The following MYH11 variants were observed in gnomAD, a reference collection of about 807,000 sequenced individuals.
MYH11 encodes the protein myosin heavy chain 11.
MYH11 carries 80 observed loss-of-function variants against 246.6 expected under a neutral mutation model. The observed-to-expected ratio is 0.32, with a 90% CI of 0.27 to 0.39. The LOEUF is 0.39. Ranked by LOEUF, MYH11 falls within the 10% of genes least tolerant of loss-of-function variation. The pLI is 1.00. For synonymous variants in MYH11, 1,071 were observed against 1,015.5 expected, an observed-to-expected ratio of 1.05 and a Z score of -1.04; for missense variants, 2,158 against 2,546.8, an observed-to-expected ratio of 0.85 and a Z score of 3.29.
chr16:15,738,784 A>C (rs535800534), intron 23 of MYH11, 96 bp from the exon 24 acceptor site: 1 of 1,391,754 alleles, frequency 7.2e-7, no homozygotes, highest in Non-Finnish European at 1.0e-6. Context: ...CAGTTGAAAG[A>C]AAAACCCACA....
At chr16:15,779,935 C>G (rs1039943464) in intron 6 of MYH11, among the ~76,000 whole-genome samples, 1 of 152,238 alleles carries the variant, frequency 6.6e-6, no homozygotes, top group Non-Finnish European at 1.5e-5. Flanking sequence ...ATCCCCTAGG[C>G]TTGCTCAGTC....
chr16:15,838,856 CAAAA>C (rs10573476), intron 1 of MYH11, among the ~76,000 whole-genome samples: 5 of 88,884 alleles, frequency 5.6e-5, no homozygotes, highest in Non-Finnish European at 8.8e-5. Context: ...GACTCCATCT[CAAAA>C]AAAAAAAAAA....
chr16:15,791,876 T>C (rs1596846186), intron 4 of MYH11: 1 of 151,976 alleles, frequency 6.6e-6, no homozygotes, highest in East Asian at 1.9e-4. Flanking sequence ...GGTCTCGCTA[T>C]GTTGCTCAAG....
chr16:15,831,873 G>T (rs1433387688), intron 2 of MYH11, among the ~76,000 whole-genome samples: 1 of 152,096 alleles, frequency 6.6e-6, no homozygotes, highest in Non-Finnish European at 1.5e-5. Flanking sequence ...AGGAAATGGA[G>T]GTTGCAGTGA....
chr16:15,740,889 T>C (rs1277099899), intron 22 of MYH11, among the ~76,000 whole-genome samples: 1 of 152,160 alleles, frequency 6.6e-6, no homozygotes, highest in Non-Finnish European at 1.5e-5. Context: ...CTCTCTCAGA[T>C]CACTCCTTCT....
At chr16:15,788,742 G>C (rs1474937779) in intron 4 of MYH11, among the ~76,000 whole-genome samples, 2 of 151,822 alleles carry the variant, frequency 1.3e-5, no homozygotes, top group African/African-American at 4.8e-5. Flanking sequence ...TTATGAAATG[G>C]GGACCATGAA....
At chr16:15,706,905 A>G (rs895839464) in intron 40 of MYH11, among the ~76,000 whole-genome samples, 1 of 152,176 alleles carries the variant, frequency 6.6e-6, no homozygotes, top group Non-Finnish European at 1.5e-5. Flanking sequence ...TCAGCCTGCA[A>G]GATACTCTGT....
At chr16:15,712,531 G>A (rs921721109) in intron 40 of MYH11, among the ~76,000 whole-genome samples, 2 of 152,014 alleles carry the variant, frequency 1.3e-5, no homozygotes, top group African/African-American at 4.8e-5. Context: ...GGGAGGCAGA[G>A]GTTGCAGTGA....
chr16:15,740,581 A>G (rs1222490549), intron 22 of MYH11, among the ~76,000 whole-genome samples: 1 of 151,462 alleles, frequency 6.6e-6, no homozygotes, highest in African/African-American at 2.4e-5. Flanking sequence ...ATCGCACCCC[A>G]GCCTAGGCAA....
chr16:15,778,430 A>T (rs1035970276), intron 7 of MYH11, among the ~76,000 whole-genome samples: 2 of 152,156 alleles, frequency 1.3e-5, no homozygotes, highest in African/African-American at 4.8e-5. Context: ...ATATGAGTTC[A>T]TTCACTCTAT....
intron 1 of MYH11, among the ~76,000 whole-genome samples, chr16:15,842,978 A>G (rs1437294846): frequency 6.6e-6 from 1 of 152,164 alleles, no homozygotes. Flanking sequence ...CCCTGACTCC[A>G]GTTACCCTAT....
chr16:15,797,468 T>A (rs1452747184), intron 4 of MYH11, among the ~76,000 whole-genome samples: 2 of 151,534 alleles, frequency 1.3e-5, no homozygotes, highest in Non-Finnish European at 2.9e-5. Flanking sequence ...TTGTAGTGGC[T>A]ACCTGGAAAT....
chr16:15,744,992 G>A, intron 20 of MYH11, 137 bp downstream of exon 20: 6 of 723,492 alleles, frequency 8.3e-6, no homozygotes, highest in Middle Eastern at 2.4e-4. Context: ...CCAGAGAACC[G>A]CCAATGCTCA....
intron 4 of MYH11, among the ~76,000 whole-genome samples, chr16:15,797,171 C>G (rs59460388): frequency 0.054 from 8,264 of 152,210 alleles, 686 homozygotes; most frequent in African/African-American, 0.19. Flanking sequence ...TCCAGGTTTT[C>G]TATCTATATC....
intron 37 of MYH11, chr16:15,717,832 C>CAG (rs2151199853): frequency 3.8e-6 from 1 of 264,024 alleles, no homozygotes; most frequent in South Asian, 4.7e-5. Flanking sequence ...CAGTGCCACC[C>CAG]AGGCTGAGCG....
intron 9 of MYH11, 84 bp from the exon 10 acceptor site, chr16:15,763,975 AC>A: frequency 9.8e-7 from 1 of 1,016,774 alleles, no homozygotes; most frequent in Non-Finnish European, 1.6e-6. Flanking sequence ...GCCACTGGGG[AC>A]CCAGAGCCAG....
chr16:15,716,388 G>A (rs2040140378), intron 38 of MYH11, among the ~76,000 whole-genome samples: 1 of 152,194 alleles, frequency 6.6e-6, no homozygotes, highest in South Asian at 2.1e-4. Context: ...AGAAGAGAAT[G>A]GGTGAGAATC....
At chr16:15,798,766 G>T in intron 3 of MYH11, 79 bp from the exon 4 acceptor site, 2 of 1,425,572 alleles carry the variant, frequency 1.4e-6, no homozygotes, top group South Asian at 1.2e-5. Flanking sequence ...CTCCTCCCAG[G>T]GCCCTCCCAT....
chr16:15,766,517 G>A lies in MYH11; in HGVS notation c.1034-2626C>T, dbSNP rs919153356. 4.6e-5 allele frequency among the ~76,000 whole-genome samples: 7 copies of A among 151,984 alleles called. 1 individual carries two copies. Among genetic ancestry groups the A allele is most frequent in the South Asian group, 4.1e-4 (2 of 4,824 alleles). On this transcript the variant is annotated intron_variant, in intron 9 of 40. Transcript: ENST00000300036. ...CTCCAGAGTAGCTGGGATTACAGGC[G>A]TGTGCCACCACACCCGGCTAATTTT...
Sources: gnomAD v4.1 joint callset for allele counts (sites outside exome capture counted in the v4.1 genomes callset) on GRCh38, gnomAD v4.1.1 for gene constraint, MANE v1.5 for transcripts, NCBI Gene and HGNC (gene_info 2026-07-23, HGNC 2026-07-21) for gene names.